Variants in DOK6 observed in about 807,000 individuals in gnomAD.
The protein encoded by DOK6 is downstream of tyrosine kinase 6.
Under a neutral mutation model 44.0 loss-of-function variants are expected in DOK6, and 22 were observed. That is an observed-to-expected ratio of 0.50 (90% confidence interval 0.36 to 0.71). The LOEUF (loss-of-function observed/expected upper bound fraction) is 0.71, where lower values mean the gene tolerates loss of function less well. Among genes scored for constraint, DOK6 ranks in the 30% least tolerant of loss-of-function variants. DOK6 has a pLI of 0.00. For synonymous variants in DOK6, 166 were observed against 145.5 expected, an observed-to-expected ratio of 1.14 and a Z score of -1.01; for missense variants, 340 against 416.4, an observed-to-expected ratio of 0.82 and a Z score of 1.60.
chr18:69,802,125 T>A (rs190517861), intron 7 of DOK6, among the ~76,000 whole-genome samples: 13 of 152,148 alleles, frequency 8.5e-5, no homozygotes, highest in Admixed American at 7.9e-4. Context: ...AGGCACATAA[T>A]GTTTTATATG....
At chr18:69,775,653 A>T (rs1980040700) in intron 7 of DOK6, among the ~76,000 whole-genome samples, 1 of 151,416 alleles carries the variant, frequency 6.6e-6, no homozygotes, top group South Asian at 2.1e-4. Context: ...ATTATAACAG[A>T]CACTATAAAA....
chr18:69,481,640 G>A (rs1444148525), intron 1 of DOK6, among the ~76,000 whole-genome samples: 1 of 152,092 alleles, frequency 6.6e-6, no homozygotes, highest in Non-Finnish European at 1.5e-5. Flanking sequence ...CATTTGGGTT[G>A]GTTCCAAGTC....
intron 1 of DOK6, among the ~76,000 whole-genome samples, chr18:69,444,402 G>T (rs186284415): frequency 2.0e-5 from 3 of 152,238 alleles, no homozygotes; most frequent in Non-Finnish European, 2.9e-5. Context: ...GGCACCATAT[G>T]GACTTGATTC....
At chr18:69,601,898 G>A (rs1473529002) in intron 3 of DOK6, among the ~76,000 whole-genome samples, 2 of 152,274 alleles carry the variant, frequency 1.3e-5, no homozygotes, top group East Asian at 3.9e-4. Context: ...AGGGACACAG[G>A]AGTTCCCAAT....
chr18:69,428,053 C>T (rs1033250226), intron 1 of DOK6, among the ~76,000 whole-genome samples: 1 of 152,180 alleles, frequency 6.6e-6, no homozygotes, highest in Non-Finnish European at 1.5e-5. Flanking sequence ...GTTGGGATTA[C>T]AGGCGTGAGC....
At chr18:69,737,912 A>C (rs1309233080) in intron 5 of DOK6, among the ~76,000 whole-genome samples, 2 of 152,154 alleles carry the variant, frequency 1.3e-5, no homozygotes, top group Non-Finnish European at 2.9e-5. Context: ...AACAAGATGC[A>C]CTCGCTACTT....
At position 69,755,694 on chromosome 18, in the gene DOK6, C is replaced by T. The variant is rs77980771; in HGVS notation, c.739-2062C>T. ...ATGAGGGTGTAATGCACGTTTTTAA[C>T]GTGCATAGCTCTACCTGCAGAGTCC... On this transcript the variant is annotated intron_variant, in intron 6 of 7. Transcript: ENST00000382713. Among the ~76,000 whole-genome samples the T allele has an allele frequency of 4.4e-3, 670 of 152,314 alleles. 6 individuals carry two copies. The highest frequency in any genetic ancestry group is 6.4e-3 in the Non-Finnish European group (434 of 68,032).
intron 1 of DOK6, among the ~76,000 whole-genome samples, chr18:69,539,460 A>T (rs1322545709): frequency 7.5e-6 from 1 of 133,394 alleles, no homozygotes; most frequent in Non-Finnish European, 1.6e-5. Context: ...TTCTCATACA[A>T]AAACAGCTTT....
chr18:69,662,503 A>G (rs999979282), intron 3 of DOK6: 1 of 152,182 alleles, frequency 6.6e-6, no homozygotes, highest in African/African-American at 2.4e-5. Context: ...GTTTATTACT[A>G]CTTGCTCCAA....
At chr18:69,667,523 A>G (rs56716659) in intron 3 of DOK6, among the ~76,000 whole-genome samples, 3,133 of 152,274 alleles carry the variant, frequency 0.021, 111 homozygotes, top group African/African-American at 0.072. Flanking sequence ...CTTTCTAACA[A>G]AACTTTCCTT....
At chr18:69,414,018 T>G (rs1265715554) in intron 1 of DOK6, among the ~76,000 whole-genome samples, 1 of 151,890 alleles carries the variant, frequency 6.6e-6, no homozygotes, top group Non-Finnish European at 1.5e-5. Context: ...ATTAGGAAGA[T>G]GCAAATTAAA....
chr18:69,443,037 C>T (rs765700621), intron 1 of DOK6, among the ~76,000 whole-genome samples: 1 of 152,150 alleles, frequency 6.6e-6, no homozygotes, highest in Non-Finnish European at 1.5e-5. Context: ...GAAGATCACT[C>T]ATTTTTTTTC....
chr18:69,550,365 G>A (rs1318504111), intron 1 of DOK6, among the ~76,000 whole-genome samples: 3 of 151,722 alleles, frequency 2.0e-5, no homozygotes, highest in African/African-American at 7.3e-5. Context: ...AAGCACCCAT[G>A]GGAAAAAAAA....
intron 2 of DOK6, among the ~76,000 whole-genome samples, chr18:69,566,508 C>T (rs1246532680): frequency 1.3e-5 from 2 of 151,792 alleles, no homozygotes; most frequent in Non-Finnish European, 2.9e-5. Flanking sequence ...CTGGACTCAG[C>T]TATCTTTTAT....
At chr18:69,556,448 A>G (rs1264695792) in intron 1 of DOK6, among the ~76,000 whole-genome samples, 1 of 152,152 alleles carries the variant, frequency 6.6e-6, no homozygotes, top group Non-Finnish European at 1.5e-5. Context: ...CCTTGTGCAT[A>G]ATTCTCTCCA....
intron 1 of DOK6, among the ~76,000 whole-genome samples, chr18:69,508,180 G>C (rs1355828277): frequency 6.6e-6 from 1 of 152,026 alleles, no homozygotes; most frequent in Non-Finnish European, 1.5e-5. Context: ...CTTCAATGTT[G>C]AACCAGCCTT....
chr18:69,459,187 T>TTGTGTGTGTGTGTGTG (rs71176967), intron 1 of DOK6, among the ~76,000 whole-genome samples: 1 of 136,876 alleles, frequency 7.3e-6, no homozygotes, highest in African/African-American at 2.8e-5. Context: ...AAAAAATATT[T>TTGTGTGTGTGTGTGTG]TGTGTGTGTG....
At chr18:69,627,712 G>C (rs1029231552) in intron 3 of DOK6, among the ~76,000 whole-genome samples, 1 of 152,172 alleles carries the variant, frequency 6.6e-6, no homozygotes, top group Non-Finnish European at 1.5e-5. Context: ...GCCTCCCAAA[G>C]TGCTGGGATT....
At chr18:69,671,514 C>G (rs985607182) in intron 3 of DOK6, among the ~76,000 whole-genome samples, 1 of 152,066 alleles carries the variant, frequency 6.6e-6, no homozygotes, top group African/African-American at 2.4e-5. Context: ...TTATGCAAAA[C>G]CTTCAGGTTG....
Sources: allele counts gnomAD v4.1 joint callset (sites outside exome capture counted in the v4.1 genomes callset), GRCh38; gene constraint gnomAD v4.1.1; transcripts MANE v1.5; gene names NCBI Gene and HGNC (gene_info 2026-07-23, HGNC 2026-07-21).